Variants in LAP3 observed in about 807,000 individuals in gnomAD.
The protein encoded by LAP3 is cytosol aminopeptidase.
Under a neutral mutation model 58.8 loss-of-function variants are expected in LAP3, and 46 were observed. The ratio of observed to expected loss-of-function variants is 0.78; its 90% confidence interval spans 0.62 to 1.00. LAP3 has a LOEUF of 1.00. LAP3 is among the 50% of genes least tolerant of loss of function. LAP3 has a pLI of 0.00. For missense variants in LAP3, 615 were observed against 659.1 expected (o/e 0.93, Z 0.73); for synonymous variants, 257 against 237.7 (o/e 1.08, Z -0.75).
chr4:17,603,505 CTTTTT>C (rs112112721), intron 10 of LAP3, among the ~76,000 whole-genome samples: 2 of 137,042 alleles, frequency 1.5e-5, no homozygotes, highest in Non-Finnish European at 1.6e-5. Flanking sequence ...AGCAAGAAAT[CTTTTT>C]TTTTTTTTTT....
chr4:17,582,232 T>G (rs1713383167), intron 3 of LAP3, 56 bp from the exon 4 acceptor site: 9 of 1,413,642 alleles, frequency 6.4e-6, no homozygotes, highest in Non-Finnish European at 9.0e-6. Flanking sequence ...AATTCCTTGC[T>G]GGAAATGAAT....
chr4:17,599,834 T>G (rs1713942674), intron 10 of LAP3, among the ~76,000 whole-genome samples: 1 of 152,134 alleles, frequency 6.6e-6, no homozygotes, highest in African/African-American at 2.4e-5. Context: ...AAGGCCAGGC[T>G]CAGGTGGAAC....
At chr4:17,607,219 C>T (rs1363066422) in intron 12 of LAP3, among the ~76,000 whole-genome samples, 181 bp from the exon 13 acceptor site, 1 of 152,146 alleles carries the variant, frequency 6.6e-6, no homozygotes, top group Non-Finnish European at 1.5e-5. Flanking sequence ...AGAATTTATC[C>T]TTTACTGCTT....
intron 9 of LAP3, among the ~76,000 whole-genome samples, chr4:17,597,534 G>T (rs1483825186): frequency 6.6e-6 from 1 of 152,182 alleles, no homozygotes; most frequent in Non-Finnish European, 1.5e-5. Flanking sequence ...CTCCCAAAGT[G>T]CTAGGATTAC....
chr4:17,582,819 G>A (rs1713401010), intron 4 of LAP3: 1 of 166,664 alleles, frequency 6.0e-6, no homozygotes, highest in South Asian at 1.5e-4. Context: ...GTGTGTGCCT[G>A]TCCCAGTATG....
rs941548540 is a variant in LAP3, at chr4:17,585,001, T to C, written c.569T>C (p.Val190Ala). Residue 190 changes from valine (V) to alanine (A), a missense_variant, in exon 6 of 13, where the codon GTC (valine) becomes GCC (alanine). Val to Ala is a moderately conservative substitution (Grantham distance 64). Transcript: ENST00000226299. Reference sequence around the variant, plus strand: ...GATCAGGAGGCCTGGCAGAAAGGAGTCCTGTTTGCTTCTGGGCAGAACTTG... The same window carrying C: ...GATCAGGAGGCCTGGCAGAAAGGAGCCCTGTTTGCTTCTGGGCAGAACTTG... ...SGDQEAWQKG[V>A]LFASGQNLAR... The C allele has an allele frequency of 1.2e-6, 2 of 1,613,662 alleles. No homozygotes were observed. Among genetic ancestry groups the C allele is most frequent in the Non-Finnish European group, 8.5e-7 (1 of 1,179,922 alleles).
chr4:17,596,013 T>C (rs1015818078), intron 8 of LAP3, among the ~76,000 whole-genome samples: 4 of 151,984 alleles, frequency 2.6e-5, no homozygotes, highest in Admixed American at 2.6e-4. Flanking sequence ...TATAATAGCA[T>C]TGCTCATACT....
chr4:17,592,868 C>T (rs549194976), intron 7 of LAP3, among the ~76,000 whole-genome samples: 5 of 152,314 alleles, frequency 3.3e-5, no homozygotes, highest in South Asian at 4.1e-4. Flanking sequence ...GAGTGCACCT[C>T]GGCTCACTGC....
chr4:17,605,118 CCACACA>C (rs10609509), intron 11 of LAP3, among the ~76,000 whole-genome samples: 182 of 146,720 alleles, frequency 1.2e-3, no homozygotes, highest in African/African-American at 2.6e-3. Context: ...ACCCTCACTT[CCACACA>C]CACACACACA....
At chr4:17,592,761 ATCTC>A (rs1311624813) in intron 7 of LAP3, among the ~76,000 whole-genome samples, 3 of 152,120 alleles carry the variant, frequency 2.0e-5, no homozygotes, top group Admixed American at 2.0e-4. Context: ...GTATACAGTG[ATCTC>A]TCTTTGTGGT....
intron 7 of LAP3, among the ~76,000 whole-genome samples, chr4:17,591,933 A>G (rs1471578965): frequency 6.7e-6 from 1 of 150,184 alleles, no homozygotes; most frequent in Non-Finnish European, 1.5e-5. Context: ...TTCACCCTCT[A>G]AGTGGCCAGC....
At chr4:17,604,504 C>T in intron 10 of LAP3, 84 bp from the exon 11 acceptor site, 1 of 868,744 alleles carries the variant, frequency 1.2e-6, no homozygotes, top group South Asian at 1.4e-5. Context: ...AAATAGGGTA[C>T]ATGCTAAGGT....
chr4:17,581,864 T>C (rs1330439310), intron 3 of LAP3, 50 bp downstream of exon 3: 1 of 1,402,402 alleles, frequency 7.1e-7, no homozygotes, highest in Non-Finnish European at 1.0e-6. Context: ...GCATCTACTG[T>C]ACACCAAGTA....
chr4:17,580,182 G>A (rs60813368), intron 2 of LAP3, among the ~76,000 whole-genome samples: 1,141 of 29,952 alleles, frequency 0.038, 74 homozygotes, highest in East Asian at 0.15. Context: ...ATATATATAT[G>A]TATTTTTTTT....
intron 11 of LAP3, among the ~76,000 whole-genome samples, chr4:17,605,314 C>G (rs904684112): frequency 5.3e-5 from 8 of 152,300 alleles, no homozygotes; most frequent in Middle Eastern, 3.4e-3. Flanking sequence ...TGTCTCCTGA[C>G]GTGTTTGTTC....
At chr4:17,585,166 A>C (rs935395979) in intron 6 of LAP3, 30 bp downstream of exon 6, 1 of 1,582,406 alleles carries the variant, frequency 6.3e-7, no homozygotes, top group African/African-American at 1.3e-5. Flanking sequence ...CAGACTCGAG[A>C]TGTTACAGCC....
rs567859998 is a variant in LAP3 at position 17,588,374 on chromosome 4, A to G, written c.705-445A>G. 2.0e-5 allele frequency among the ~76,000 whole-genome samples: 3 copies of G among 152,220 alleles called. No individual in the cohort carries two copies. The East Asian group carries it at 5.8e-4, about 29-fold the overall frequency. On this transcript the variant is annotated intron_variant, in intron 6 of 12. Coordinates refer to ENST00000226299, the MANE Select transcript of LAP3 (RefSeq NM_015907.3). ...TGCCCAGGCTGGTTTCAAACTCCTG[A>G]GCTGAAGCAATTCTCTCACCTCAGC...
intron 8 of LAP3, among the ~76,000 whole-genome samples, chr4:17,596,285 G>A (rs1235345427): frequency 6.6e-6 from 1 of 152,046 alleles, no homozygotes; most frequent in African/African-American, 2.4e-5. Flanking sequence ...CCTAATTCAA[G>A]TTTCCAGTTG....
chr4:17,599,778 G>T (rs1205232926), intron 10 of LAP3, among the ~76,000 whole-genome samples: 1 of 150,864 alleles, frequency 6.6e-6, no homozygotes, highest in Non-Finnish European at 1.5e-5. Context: ...TACCAGAGTA[G>T]CAGGATTCTC....
Sources: allele counts gnomAD v4.1 joint callset (sites outside exome capture counted in the v4.1 genomes callset), GRCh38; gene constraint gnomAD v4.1.1; transcripts MANE v1.5; gene names NCBI Gene and HGNC (gene_info 2026-07-23, HGNC 2026-07-21).